CCM2: variants seen among roughly 807,000 people sequenced by gnomAD.
CCM2 encodes the protein cerebral cavernous malformations 2 protein.
A neutral mutation model predicts 44.9 loss-of-function variants in CCM2; 25 were observed. The observed-to-expected ratio is 0.56, with a 90% CI of 0.41 to 0.78. The LOEUF (loss-of-function observed/expected upper bound fraction) is 0.78, where lower values mean the gene tolerates loss of function less well. CCM2 is among the 30% of genes least tolerant of loss of function. The probability of loss-of-function intolerance (pLI) is 0.00; values close to 1 mark genes in which losing one functional copy is unlikely to be tolerated. For missense variants in CCM2, 481 were observed against 580.6 expected (o/e 0.83, Z 1.76); for synonymous variants, 219 against 241.1 (o/e 0.91, Z 0.85).
chr7:45,039,817 A>C (rs1413282259), intron 2 of CCM2, among the ~76,000 whole-genome samples: 1 of 151,634 alleles, frequency 6.6e-6, no homozygotes, highest in African/African-American at 2.4e-5. Context: ...ACTTGAGGTC[A>C]GGAGTTCGAG....
At position 45,038,550 on chromosome 7, in the gene CCM2, A is replaced by G. The variant is rs1031158413; in HGVS notation, c.204+124A>G. ...AAACACCTTAGTAGTTGATTATCCC[A>G]CCCATTGTCTTGTCTATGCTGATAA... On this transcript the variant is annotated intron_variant, in intron 2 of 9. Transcript: ENST00000258781. 3.0e-5 allele frequency: 29 copies of G among 977,184 alleles called. No homozygotes were observed. In the East Asian group the frequency reaches 5.4e-4, roughly 18 times the overall value. 60.5% of individuals were successfully genotyped at this position (977,184 alleles called of 1,614,324 possible).
intron 1 of CCM2, among the ~76,000 whole-genome samples, chr7:45,021,753 G>A (rs1796490652): frequency 6.6e-6 from 1 of 151,806 alleles, no homozygotes; most frequent in Non-Finnish European, 1.5e-5. Flanking sequence ...AGGAGGAGGG[G>A]AGGAGAGGGG....
At chr7:45,052,564 G>A (rs1054629784) in intron 2 of CCM2, among the ~76,000 whole-genome samples, 1 of 152,194 alleles carries the variant, frequency 6.6e-6, no homozygotes, top group African/African-American at 2.4e-5. Context: ...ATGTACTGTT[G>A]TCCATCCCAC....
chr7:45,004,048 T>G (rs12673273), intron 1 of CCM2, among the ~76,000 whole-genome samples: 20,109 of 152,088 alleles, frequency 0.13, 1,631 homozygotes, highest in Admixed American at 0.2. Context: ...AGCATGGTGG[T>G]GCATGCCTGT....
At chr7:45,038,026 T>C (rs752078783) in intron 1 of CCM2, among the ~76,000 whole-genome samples, 2 of 152,136 alleles carry the variant, frequency 1.3e-5, no homozygotes, top group Admixed American at 1.3e-4. Flanking sequence ...GGTGCCTCCA[T>C]GCCAGAGGCT....
At chr7:45,054,121 C>G (rs1798138593) in intron 2 of CCM2, among the ~76,000 whole-genome samples, 1 of 152,220 alleles carries the variant, frequency 6.6e-6, no homozygotes, top group Non-Finnish European at 1.5e-5. Flanking sequence ...TTCCCCAGCT[C>G]TGTCAGAACT....
At chr7:45,027,457 G>T (rs898456848) in intron 1 of CCM2, 1 of 587,268 alleles carries the variant, frequency 1.7e-6, no homozygotes, top group East Asian at 3.0e-5. Context: ...TGTGGGGTTC[G>T]CGTGCTGTGG....
intron 2 of CCM2, among the ~76,000 whole-genome samples, chr7:45,055,532 C>CA (rs926755175): frequency 6.6e-6 from 1 of 151,942 alleles, no homozygotes; most frequent in Non-Finnish European, 1.5e-5. Context: ...ACTAAAAATA[C>CA]AAAAAAATTA....
chr7:45,073,411 G>A (rs1188155399), intron 7 of CCM2, 49 bp from the exon 8 acceptor site: 1 of 1,289,430 alleles, frequency 7.8e-7, no homozygotes, highest in African/African-American at 1.5e-5. Flanking sequence ...ACGTGTGTGG[G>A]ATGGAGGGTC....
chr7:45,003,743 AC>A (rs1177568661), intron 1 of CCM2, among the ~76,000 whole-genome samples: 1 of 138,846 alleles, frequency 7.2e-6, no homozygotes, highest in African/African-American at 2.7e-5. Flanking sequence ...AAAAAAAAAA[AC>A]CATCTTGTGG....
chr7:45,014,643 A>C (rs1796192969), intron 1 of CCM2, among the ~76,000 whole-genome samples: 1 of 117,600 alleles, frequency 8.5e-6, no homozygotes, highest in African/African-American at 3.2e-5. Flanking sequence ...TTTTTTTGAG[A>C]TGGAGTCTTG....
intron 1 of CCM2, among the ~76,000 whole-genome samples, chr7:45,001,870 T>C (rs1795649519): frequency 6.6e-6 from 1 of 152,154 alleles, no homozygotes; most frequent in African/African-American, 2.4e-5. Context: ...CATAAACAGG[T>C]TAATTATTAA....
intron 4 of CCM2, among the ~76,000 whole-genome samples, chr7:45,066,943 C>T (rs1328928892): frequency 3.3e-5 from 5 of 151,186 alleles, no homozygotes; most frequent in Non-Finnish European, 5.9e-5. Context: ...CTGTGTTGCC[C>T]AGGCTGGAGT....
chr7:45,053,192 T>A (rs1044898004), intron 2 of CCM2, among the ~76,000 whole-genome samples: 1 of 152,238 alleles, frequency 6.6e-6, no homozygotes, highest in Non-Finnish European at 1.5e-5. Flanking sequence ...TCTGAAGACT[T>A]GCAGTTCCTA....
At position 45,064,300 on chromosome 7, in the gene CCM2, G is replaced by T. The variant is rs559673966; in HGVS notation, c.289-163G>T. On this transcript the variant is annotated intron_variant, in intron 3 of 9. Coordinates refer to ENST00000258781, the MANE Select transcript of CCM2 (RefSeq NM_031443.4). The stretch of plus-strand genomic sequence containing the variant: ...ATCTCCCAAATGGTTTGAACACATT[G>T]GTGTCCCTGGAATAAGCACTGTTCT... 2.8e-4 allele frequency among the ~76,000 whole-genome samples: 42 copies of T among 152,326 alleles called. 1 individual carries two copies. The highest frequency in any genetic ancestry group is 3.4e-3 in the Middle Eastern group (1 of 294).
intron 1 of CCM2, among the ~76,000 whole-genome samples, chr7:45,009,080 T>A (rs1562856399): frequency 6.6e-6 from 1 of 152,032 alleles, no homozygotes; most frequent in Admixed American, 6.5e-5. Flanking sequence ...GGCAGGCAGA[T>A]CACCTGAGAT....
intron 8 of CCM2, chr7:45,074,049 G>C: frequency 1.1e-6 from 1 of 919,262 alleles, no homozygotes; most frequent in Non-Finnish European, 1.6e-6. Context: ...CAGCTCAGGA[G>C]AGTGGAGCTG....
chr7:45,001,113 A>G (rs955293124), intron 1 of CCM2, among the ~76,000 whole-genome samples: 6 of 152,230 alleles, frequency 3.9e-5, no homozygotes, highest in African/African-American at 1.4e-4. Context: ...ACTTTTATCC[A>G]CAAGTTTAAA....
At position 45,067,442 on chromosome 7, in the gene CCM2, C is replaced by A. The variant is rs1798837133; in HGVS notation, c.473-1001C>A. Among the ~76,000 whole-genome samples the A allele has an allele frequency of 3.3e-5, 5 of 152,314 alleles. No individual in the cohort carries two copies. In the South Asian group the frequency reaches 1.0e-3, roughly 32 times the overall value. On this transcript the variant is annotated intron_variant, in intron 4 of 9. Coordinates refer to ENST00000258781, the MANE Select transcript of CCM2 (RefSeq NM_031443.4). The stretch of plus-strand genomic sequence containing the variant: ...CCTCCCAATGTGCTGGGATTACAGC[C>A]ATGAGCCACTGCGCCTGGCCAATTA...
Sources: gnomAD v4.1 joint callset for allele counts (sites outside exome capture counted in the v4.1 genomes callset) on GRCh38, gnomAD v4.1.1 for gene constraint, MANE v1.5 for transcripts, NCBI Gene and HGNC (gene_info 2026-07-23, HGNC 2026-07-21) for gene names.